Variants in PRKCZ observed in about 807,000 individuals in gnomAD.
PRKCZ encodes the protein protein kinase C zeta type.
Under a neutral mutation model 79.5 loss-of-function variants are expected in PRKCZ, and 33 were observed. The observed-to-expected ratio is 0.41, with a 90% confidence interval of 0.31 to 0.55. PRKCZ has a LOEUF of 0.55. PRKCZ is among the 20% of genes least tolerant of loss of function. PRKCZ has a pLI of 0.19. For missense variants in PRKCZ, 578 were observed against 813.5 expected (o/e 0.71, Z 3.52); for synonymous variants, 342 against 320.9 (o/e 1.07, Z -0.70).
At chr1:2,131,399 G>C (rs942319502) in intron 4 of PRKCZ, among the ~76,000 whole-genome samples, 1 of 152,190 alleles carries the variant, frequency 6.6e-6, no homozygotes, top group Non-Finnish European at 1.5e-5. Context: ...GAGGTCAGGC[G>C]TTGGAGACCA....
Position 2,177,907 on chromosome 1 carries a change from G to A in PRKCZ, c.1575+2594G>A, listed in dbSNP as rs1002933890. Among the ~76,000 whole-genome samples, 6 of 150,442 alleles carry A rather than the reference G, an allele frequency of 4.0e-5. No individual in the cohort carries two copies. Among genetic ancestry groups the A allele is most frequent in the African/African-American group, 1.5e-4 (6 of 39,910 alleles). On this transcript the variant is annotated intron_variant, in intron 16 of 17. Coordinates refer to ENST00000378567, the MANE Select transcript of PRKCZ (RefSeq NM_002744.6). This position sits in a 1 kb window ranked among gnomAD's most constrained non-coding sequence, Gnocchi z 6.4. Reference sequence around the variant, plus strand: ...GCCAGCCCTGCCTCTGCCACCGACCGCCGGCCCTGCCTCTGCCACCGACCG... The same window carrying A: ...GCCAGCCCTGCCTCTGCCACCGACCACCGGCCCTGCCTCTGCCACCGACCG...
At position 2,127,728 on chromosome 1, in the gene PRKCZ, C is replaced by T. The variant is rs910941506; in HGVS notation, c.335-7534C>T. On this transcript the variant is annotated intron_variant, in intron 4 of 17. Coordinates refer to ENST00000378567, the MANE Select transcript of PRKCZ (RefSeq NM_002744.6). This position sits in a 1 kb window ranked among gnomAD's most constrained non-coding sequence, Gnocchi z 5.1. ...CGGTGGCTTTTTAGGACTCTGCGTT[C>T]GTGTTCTCCATTGTCCCTGGCAGCC... 2.6e-5 allele frequency among the ~76,000 whole-genome samples: 4 copies of T among 152,192 alleles called. No individual in the cohort carries two copies. Among genetic ancestry groups the T allele is most frequent in the Non-Finnish European group, 4.4e-5 (3 of 68,030 alleles).
intron 4 of PRKCZ, among the ~76,000 whole-genome samples, chr1:2,066,715 A>C (rs1396378171): frequency 6.6e-6 from 1 of 152,080 alleles, no homozygotes; most frequent in Non-Finnish European, 1.5e-5. Context: ...TTGAAGTGTA[A>C]AATTCGGTTG....
intron 4 of PRKCZ, among the ~76,000 whole-genome samples, chr1:2,085,603 T>C (rs1184741345): frequency 6.6e-6 from 1 of 150,598 alleles, no homozygotes; most frequent in Non-Finnish European, 1.5e-5. Flanking sequence ...GGGGGCCCTG[T>C]TCTCAGAGCC....
intron 9 of PRKCZ, among the ~76,000 whole-genome samples, chr1:2,153,041 A>G (rs937484619): frequency 4.6e-5 from 7 of 152,206 alleles, no homozygotes; most frequent in Non-Finnish European, 7.3e-5. Context: ...TTCTCTGTTC[A>G]ACTGATGGGG....
chr1:2,172,239 G>C lies in PRKCZ; in HGVS notation c.1197+49G>C. On this transcript the variant is annotated intron_variant, in intron 12 of 17. Transcript: ENST00000378567. The surrounding 1 kb of genome is among the most constrained non-coding windows in gnomAD (Gnocchi z 7.8). The stretch of plus-strand genomic sequence containing the variant: ...CTGACCATCCCGCATGTGCGTCTCG[G>C]GGCGCCTGTCCCGCGGGGTAGTGTC... 6.2e-7 allele frequency: 1 copy of C among 1,613,446 alleles called. No individual in the cohort carries two copies. The highest frequency in any genetic ancestry group is 8.5e-7 in the Non-Finnish European group (1 of 1,180,022).
chr1:2,175,966 A>G (rs548809901), intron 16 of PRKCZ, among the ~76,000 whole-genome samples: 2 of 152,056 alleles, frequency 1.3e-5, no homozygotes, highest in African/African-American at 2.4e-5. Flanking sequence ...CTTTGGTTTC[A>G]TGGCCGGTTT....
chr1:2,085,773 C>T (rs1664405487), intron 4 of PRKCZ, among the ~76,000 whole-genome samples: 1 of 151,640 alleles, frequency 6.6e-6, no homozygotes, highest in Non-Finnish European at 1.5e-5. Context: ...GGGCCCTGTT[C>T]TCAGAGCCCG....
chr1:2,121,115 C>T (rs190042306), intron 4 of PRKCZ, among the ~76,000 whole-genome samples: 13 of 152,290 alleles, frequency 8.5e-5, no homozygotes, highest in South Asian at 2.1e-4. Context: ...CGCCTGGCAT[C>T]GTAGTTCTCT....
At chr1:2,087,611 C>T (rs1402074851) in intron 4 of PRKCZ, among the ~76,000 whole-genome samples, 1 of 152,146 alleles carries the variant, frequency 6.6e-6, no homozygotes, top group African/African-American at 2.4e-5. Flanking sequence ...ATCCCATCAC[C>T]TGGATGTGAT....
At chr1:2,121,542 A>ATGG (rs1671924612) in intron 4 of PRKCZ, among the ~76,000 whole-genome samples, 5 of 96,436 alleles carry the variant, frequency 5.2e-5, no homozygotes, top group African/African-American at 1.4e-4. Flanking sequence ...AGTTAGGGTT[A>ATGG]TATCAGTAGT....
At chr1:2,160,238 C>CGCGTGTGTGTGTGT (rs71578361) in intron 10 of PRKCZ, among the ~76,000 whole-genome samples, 57 of 146,464 alleles carry the variant, frequency 3.9e-4, no homozygotes, top group African/African-American at 1.4e-3. Context: ...CAGCAGTGTG[C>CGCGTGTGTGTGTGT]GTGTGTGTGT....
chr1:2,160,238 C>CGCACGTGTGT (rs71578361), intron 10 of PRKCZ, among the ~76,000 whole-genome samples: 1 of 146,374 alleles, frequency 6.8e-6, no homozygotes, highest in African/African-American at 2.6e-5. Context: ...CAGCAGTGTG[C>CGCACGTGTGT]GTGTGTGTGT....
At position 2,172,261 on chromosome 1, in the gene PRKCZ, T is replaced by C; in HGVS notation, c.1198-40T>C. 2 of 1,613,436 alleles carry C rather than the reference T, an allele frequency of 1.2e-6. No homozygotes were observed. Among genetic ancestry groups the C allele is most frequent in the Non-Finnish European group, 1.7e-6 (2 of 1,179,982 alleles). ...TCGGGGCGCCTGTCCCGCGGGGTAG[T>C]GTCTACAAGAACCCTCTCCCAGTAA... On this transcript the variant is annotated intron_variant, in intron 12 of 17. Coordinates refer to ENST00000378567, the MANE Select transcript of PRKCZ (RefSeq NM_002744.6). This position sits in a 1 kb window ranked among gnomAD's most constrained non-coding sequence, Gnocchi z 7.8.
In PRKCZ at chr1:2,085,304, G is replaced by A. The variant is rs146572447; in HGVS notation, c.334+25713G>A. Among the ~76,000 whole-genome samples, 411 of 152,338 alleles carry A rather than the reference G, an allele frequency of 2.7e-3. 3 individuals are homozygous for A. The highest frequency in any genetic ancestry group is 9.4e-3 in the African/African-American group (389 of 41,568). ...AAGCTGGTAGCACACAGAAGGTCCC[G>A]GAGCAGGAGCTGGCCCCGAGCCAGC... On this transcript the variant is annotated intron_variant, in intron 4 of 17. Transcript: ENST00000378567.
chr1:2,140,872 A>T (rs1402201277), intron 5 of PRKCZ, among the ~76,000 whole-genome samples: 1 of 152,140 alleles, frequency 6.6e-6, no homozygotes, highest in Non-Finnish European at 1.5e-5. Context: ...GGAGGCTGAG[A>T]CAGGAGAATC....
At chr1:2,055,981 T>C in intron 2 of PRKCZ, 1 of 184,040 alleles carries the variant, frequency 5.4e-6, no homozygotes, top group Non-Finnish European at 1.1e-5. Flanking sequence ...AGACACATCC[T>C]GAAAAACAAG....
chr1:2,109,819 G>A (rs571486821), intron 4 of PRKCZ, among the ~76,000 whole-genome samples: 8 of 152,362 alleles, frequency 5.3e-5, no homozygotes, highest in East Asian at 1.9e-4. Context: ...TTGTGGTGTC[G>A]GTGGTGGGAG....
chr1:2,180,991 A>G (rs887344307), intron 16 of PRKCZ, among the ~76,000 whole-genome samples: 14 of 152,282 alleles, frequency 9.2e-5, no homozygotes, highest in South Asian at 2.1e-4. Flanking sequence ...GGACGCCTCC[A>G]GGCCCTGCCC....
Sources: gnomAD v4.1 joint callset for allele counts (sites outside exome capture counted in the v4.1 genomes callset) on GRCh38, gnomAD v4.1.1 for gene constraint, Gnocchi (gnomAD v3.1) non-coding constraint, MANE v1.5 for transcripts, NCBI Gene and HGNC (gene_info 2026-07-23, HGNC 2026-07-21) for gene names.